SYT1: variants seen among roughly 807,000 people sequenced by gnomAD.
SYT1 encodes the protein synaptotagmin-1.
SYT1 carries 8 observed loss-of-function variants against 44.8 expected under a neutral mutation model. That is an observed-to-expected ratio of 0.18 (90% confidence interval 0.10 to 0.32). The LOEUF (loss-of-function observed/expected upper bound fraction) is 0.32. Among genes scored for constraint, SYT1 ranks in the 10% least tolerant of loss-of-function variants. SYT1 has a pLI of 1.00. For synonymous variants in SYT1, 154 were observed against 188.8 expected, an observed-to-expected ratio of 0.82 and a Z score of 1.51; for missense variants, 286 against 509.3, an observed-to-expected ratio of 0.56 and a Z score of 4.22.
intron 3 of SYT1, among the ~76,000 whole-genome samples, chr12:79,119,632 A>G (rs932531972): frequency 2.0e-5 from 3 of 152,094 alleles, no homozygotes; most frequent in African/African-American, 7.2e-5. Flanking sequence ...AAAAATTTGT[A>G]AGGGTCTTAT....
At chr12:78,883,293 A>C (rs1252367756) in intron 1 of SYT1, among the ~76,000 whole-genome samples, 1 of 151,694 alleles carries the variant, frequency 6.6e-6, no homozygotes, top group African/African-American at 2.4e-5. Context: ...CTAGCAATAC[A>C]TGGCACATAC....
intron 5 of SYT1, among the ~76,000 whole-genome samples, chr12:79,289,604 G>A (rs958976627): frequency 1.2e-4 from 18 of 152,106 alleles, no homozygotes; most frequent in African/African-American, 4.1e-4. Flanking sequence ...GCATTGGGCT[G>A]AAACATGATA....
intron 4 of SYT1, among the ~76,000 whole-genome samples, chr12:79,277,258 A>G (rs1344025141): frequency 6.6e-6 from 1 of 152,182 alleles, no homozygotes; most frequent in East Asian, 1.9e-4. Flanking sequence ...TATAAAAGAA[A>G]TAACATATAA....
chr12:79,383,158 A>G (rs1044175915), intron 9 of SYT1, among the ~76,000 whole-genome samples: 1 of 152,224 alleles, frequency 6.6e-6, no homozygotes, highest in Non-Finnish European at 1.5e-5. Context: ...TGTGAACTTC[A>G]TAGAGTGTAT....
intron 3 of SYT1, among the ~76,000 whole-genome samples, chr12:79,156,940 A>G (rs1246101690): frequency 6.6e-6 from 1 of 152,096 alleles, no homozygotes; most frequent in Non-Finnish European, 1.5e-5. Flanking sequence ...CCCCTCACCA[A>G]TACAGGCAGG....
chr12:79,401,881 C>T (rs1447617127), intron 9 of SYT1, among the ~76,000 whole-genome samples: 4 of 151,962 alleles, frequency 2.6e-5, no homozygotes, highest in Admixed American at 2.6e-4. Context: ...GTTGCCCAGG[C>T]TGGTCTCATA....
intron 5 of SYT1, 36 bp from the exon 6 acceptor site, chr12:79,291,970 ACT>A (rs1484946980): frequency 1.9e-6 from 3 of 1,611,620 alleles, no homozygotes; most frequent in Admixed American, 3.4e-5. Context: ...TTTGATGAAA[ACT>A]CTGAAATTCA....
chr12:79,336,724 G>A (rs1373230152), intron 8 of SYT1, among the ~76,000 whole-genome samples: 1 of 152,084 alleles, frequency 6.6e-6, no homozygotes, highest in East Asian at 1.9e-4. Context: ...ATAACTTCTG[G>A]GCTCAAGCAA....
chr12:79,168,329 C>T (rs1871328847), intron 3 of SYT1, among the ~76,000 whole-genome samples: 1 of 151,958 alleles, frequency 6.6e-6, no homozygotes, highest in South Asian at 2.1e-4. Flanking sequence ...GCATTATAAT[C>T]AACACAAGTG....
chr12:79,187,910 C>T (rs1459435648), intron 3 of SYT1, among the ~76,000 whole-genome samples: 1 of 152,112 alleles, frequency 6.6e-6, no homozygotes, highest in Non-Finnish European at 1.5e-5. Flanking sequence ...TGTTTCCTTC[C>T]TCCCAATTCT....
intron 3 of SYT1, among the ~76,000 whole-genome samples, chr12:79,052,765 A>G (rs1874609382): frequency 6.6e-6 from 1 of 152,192 alleles, no homozygotes; most frequent in Non-Finnish European, 1.5e-5. Flanking sequence ...AATGCTCATC[A>G]TCACTGGCCA....
In SYT1 at chr12:79,110,254, GA is replaced by G. The variant is rs909014706; in HGVS notation, c.-18+62902del. On this transcript the variant is annotated intron_variant, in intron 3 of 10. Coordinates refer to ENST00000261205, the MANE Select transcript of SYT1 (RefSeq NM_005639.3). ...GATGTAGGAAAATTTTTATTGATTG[GA>G]AAAAAAAAAGTGAGCTGACCTCCAA... 1.9e-3 allele frequency among the ~76,000 whole-genome samples: 279 copies of G among 147,492 alleles called. 1 individual carries two copies. Among genetic ancestry groups the G allele is most frequent in the African/African-American group, 6.2e-3 (250 of 40,398 alleles).
At chr12:79,340,294 G>C (rs78004399) in intron 8 of SYT1, among the ~76,000 whole-genome samples, 3,286 of 152,146 alleles carry the variant, frequency 0.022, 117 homozygotes, top group African/African-American at 0.07. Flanking sequence ...CATTCTTCCT[G>C]TCCATGAACA....
chr12:78,930,595 C>T (rs980309747), intron 1 of SYT1, among the ~76,000 whole-genome samples: 26 of 151,742 alleles, frequency 1.7e-4, no homozygotes, highest in African/African-American at 5.8e-4. Context: ...GCCTCAATCA[C>T]TTTTGTAGAT....
At chr12:79,224,457 G>A (rs1002248396) in intron 4 of SYT1, among the ~76,000 whole-genome samples, 1 of 152,144 alleles carries the variant, frequency 6.6e-6, no homozygotes, top group African/African-American at 2.4e-5. Context: ...AAGGAGATCT[G>A]AAGGAAGTGG....
intron 1 of SYT1, chr12:78,977,469 G>C (rs894939654): frequency 1.3e-5 from 2 of 152,166 alleles, no homozygotes; most frequent in Non-Finnish European, 2.9e-5. Flanking sequence ...AATTCCACTG[G>C]GTGTCTTCTG....
intron 8 of SYT1, chr12:79,341,510 GAACC>G (rs1882372976): frequency 6.6e-6 from 1 of 152,046 alleles, no homozygotes; most frequent in African/African-American, 2.4e-5. Context: ...CCATTAGCTA[GAACC>G]CAATCACAAG....
intron 4 of SYT1, among the ~76,000 whole-genome samples, chr12:79,256,763 A>G (rs1877542272): frequency 6.6e-6 from 1 of 152,252 alleles, no homozygotes; most frequent in African/African-American, 2.4e-5. Context: ...GAAAAATGCC[A>G]TCTACTCAAG....
At chr12:79,120,928 T>C (rs1438919591) in intron 3 of SYT1, among the ~76,000 whole-genome samples, 1 of 148,872 alleles carries the variant, frequency 6.7e-6, no homozygotes, top group Non-Finnish European at 1.5e-5. Context: ...TATTTGTGTA[T>C]GTATATATAT....
Sources: allele counts gnomAD v4.1 joint callset (sites outside exome capture counted in the v4.1 genomes callset), GRCh38; gene constraint gnomAD v4.1.1; transcripts MANE v1.5; gene names NCBI Gene and HGNC (gene_info 2026-07-23, HGNC 2026-07-21).